Variants in AFG2A observed in about 807,000 individuals in gnomAD.
AFG2A encodes ATPase family gene 2 protein homolog A.
At chr4:123,034,755 A>C in the AFG2A span, among the ~76,000 whole-genome samples, 33 of 152,312 alleles carry the variant, frequency 2.2e-4, no homozygotes, top group Non-Finnish European at 4.3e-4. Flanking sequence ...TGTTTGTACT[A>C]TCTGCTCAAT....
At chr4:123,303,345 A>AC in the AFG2A span, among the ~76,000 whole-genome samples, 1 of 152,160 alleles carries the variant, frequency 6.6e-6, no homozygotes, top group Non-Finnish European at 1.5e-5. Flanking sequence ...ACATTGCAAG[A>AC]CCCCGTCTCC....
chr4:123,287,499 C>T, the AFG2A span, among the ~76,000 whole-genome samples: 1 of 152,150 alleles, frequency 6.6e-6, no homozygotes, highest in Non-Finnish European at 1.5e-5. Context: ...CATATAAATT[C>T]CACATTCGGT....
the AFG2A span, among the ~76,000 whole-genome samples, chr4:123,021,258 CT>C: frequency 8.3e-4 from 119 of 143,318 alleles, no homozygotes; most frequent in African/African-American, 1.9e-3. Context: ...ACTCTTTGAG[CT>C]TTTTTTTTTT....
chr4:122,973,877 A>G, the AFG2A span, among the ~76,000 whole-genome samples: 3 of 152,102 alleles, frequency 2.0e-5, no homozygotes, highest in African/African-American at 7.2e-5. Flanking sequence ...GAAGACACAC[A>G]GTGTTGCCCA....
At chr4:122,927,804 A>G in the AFG2A span, 1 of 1,599,160 alleles carries the variant, frequency 6.3e-7, no homozygotes, top group Non-Finnish European at 8.5e-7. Flanking sequence ...CAAACTGAAC[A>G]TTGCAAATCC....
chr4:123,007,589 TG>T, the AFG2A span, among the ~76,000 whole-genome samples: 1 of 3,564 alleles, frequency 2.8e-4, no homozygotes, highest in African/African-American at 9.1e-4. Flanking sequence ...TGTGTGTGTG[TG>T]TGTGTGTGTG....
the AFG2A span, among the ~76,000 whole-genome samples, chr4:123,084,224 T>G: frequency 6.6e-6 from 1 of 151,324 alleles, no homozygotes; most frequent in East Asian, 1.9e-4. Flanking sequence ...GCTACAGGCT[T>G]ATTGATTTTA....
the AFG2A span, among the ~76,000 whole-genome samples, chr4:122,956,418 A>G: frequency 1.6e-4 from 25 of 152,354 alleles, no homozygotes; most frequent in Middle Eastern, 6.8e-3. Flanking sequence ...TCTTACTTCA[A>G]CTTCATGCTC....
the AFG2A span, among the ~76,000 whole-genome samples, chr4:123,002,778 G>A: frequency 6.6e-6 from 1 of 152,086 alleles, no homozygotes; most frequent in Non-Finnish European, 1.5e-5. Context: ...TGACAATTAT[G>A]TGTCTTGGAG....
chr4:123,046,936 C>G, the AFG2A span, among the ~76,000 whole-genome samples: 800 of 152,240 alleles, frequency 5.3e-3, 7 homozygotes, highest in African/African-American at 0.018. Context: ...ATAATGACCT[C>G]TCATTTTATC....
the AFG2A span, among the ~76,000 whole-genome samples, chr4:123,108,495 T>A: frequency 6.6e-6 from 1 of 152,186 alleles, no homozygotes; most frequent in Non-Finnish European, 1.5e-5. Context: ...AATGTTTACC[T>A]TTTTGTTATG....
At chr4:122,994,249 C>T in the AFG2A span, among the ~76,000 whole-genome samples, 1 of 152,106 alleles carries the variant, frequency 6.6e-6, no homozygotes, top group East Asian at 1.9e-4. Context: ...TATAATAGTA[C>T]TGTGCTATCT....
chr4:123,059,882 ATTTGCATTTCTCT>A, the AFG2A span, among the ~76,000 whole-genome samples: 1 of 151,926 alleles, frequency 6.6e-6, no homozygotes, highest in African/African-American at 2.4e-5. Context: ...TGTGGTTTTG[ATTTGCATTTCTCT>A]GATGGCCAGT....
chr4:123,235,216 G>A, the AFG2A span, among the ~76,000 whole-genome samples: 1 of 152,062 alleles, frequency 6.6e-6, no homozygotes, highest in African/African-American at 2.4e-5. Flanking sequence ...TAGAGTGAGG[G>A]AAGAAAATTT....
the AFG2A span, chr4:123,255,963 T>C: frequency 6.2e-7 from 1 of 1,600,694 alleles, no homozygotes; most frequent in Admixed American, 1.7e-5. Context: ...ATCTTTGAGA[T>C]GGAATGTCAG....
At chr4:122,924,031 G>A in the AFG2A span, among the ~76,000 whole-genome samples, 1 of 152,158 alleles carries the variant, frequency 6.6e-6, no homozygotes, top group Non-Finnish European at 1.5e-5. Context: ...ATTTATATTT[G>A]ATGTGTAATA....
the AFG2A span, among the ~76,000 whole-genome samples, chr4:122,977,293 A>C: frequency 1.3e-5 from 2 of 152,188 alleles, no homozygotes; most frequent in Non-Finnish European, 2.9e-5. Flanking sequence ...ACACCTGCCA[A>C]GGGTGAGCCA....
At chr4:123,037,643 A>G in the AFG2A span, among the ~76,000 whole-genome samples, 1 of 152,082 alleles carries the variant, frequency 6.6e-6, no homozygotes. Context: ...TTATTTTCAA[A>G]TTAGCCTATG....
chr4:123,097,668 A>G, the AFG2A span, among the ~76,000 whole-genome samples: 1 of 152,122 alleles, frequency 6.6e-6, no homozygotes, highest in East Asian at 1.9e-4. Flanking sequence ...GACAGTTATT[A>G]TTCTTATCTT....
Sources: gnomAD v4.1 joint callset for allele counts (sites outside exome capture counted in the v4.1 genomes callset) on GRCh38, gnomAD v4.1.1 for gene constraint, MANE v1.5 for transcripts, NCBI Gene and HGNC (gene_info 2026-07-23, HGNC 2026-07-21) for gene names.